Variants in TMEM273 observed in about 807,000 individuals in gnomAD.
The protein encoded by TMEM273 is transmembrane protein 273.
In TMEM273, 19 loss-of-function variants were observed where a neutral mutation model predicts 17.9. That is an observed-to-expected ratio of 1.06 (90% CI 0.74 to 1.55). The LOEUF (loss-of-function observed/expected upper bound fraction) is 1.55. Ranked by LOEUF, TMEM273 falls within the 40% of genes most tolerant of loss-of-function variation. TMEM273 has a pLI of 0.00. For missense variants in TMEM273, 194 were observed against 155.6 expected (o/e 1.25, Z -1.31); for synonymous variants, 66 against 62.0 (o/e 1.07, Z -0.31).
chr10:49,171,672 T>C (rs1846579004), intron 1 of TMEM273, among the ~76,000 whole-genome samples: 1 of 152,238 alleles, frequency 6.6e-6, no homozygotes. Context: ...AGAAGCCCTC[T>C]GCAAGAGTGG....
At chr10:49,156,406 A>G (rs1845512504) in intron 6 of TMEM273, 1 of 596,552 alleles carries the variant, frequency 1.7e-6, no homozygotes, top group Admixed American at 4.0e-5. Flanking sequence ...ATAGGTGTCT[A>G]AAAAAGGGGA....
At chr10:49,186,322 G>C (rs1220416414) in intron 1 of TMEM273, among the ~76,000 whole-genome samples, 2 of 152,108 alleles carry the variant, frequency 1.3e-5, no homozygotes, top group Non-Finnish European at 2.9e-5. Context: ...TCTTGTTTCT[G>C]GTTCCCACCG....
At chr10:49,166,787 C>A in intron 3 of TMEM273, 82 bp downstream of exon 3, 1 of 1,583,574 alleles carries the variant, frequency 6.3e-7, no homozygotes. Flanking sequence ...TGGGTTCATT[C>A]TTGCTGTAGC....
At chr10:49,187,552 G>A (rs1311264840) in intron 1 of TMEM273, among the ~76,000 whole-genome samples, 1 of 152,104 alleles carries the variant, frequency 6.6e-6, no homozygotes, top group Non-Finnish European at 1.5e-5. Flanking sequence ...AGGGGACTTC[G>A]TAAAGGCATG....
chr10:49,182,920 TATCCCGA>T (rs1847436417), intron 1 of TMEM273, among the ~76,000 whole-genome samples: 1 of 152,264 alleles, frequency 6.6e-6, no homozygotes, highest in African/African-American at 2.4e-5. Flanking sequence ...AGGGAATGGA[TATCCCGA>T]ATCAAATCAC....
chr10:49,172,943 T>C (rs548651134), intron 1 of TMEM273, among the ~76,000 whole-genome samples: 2 of 152,332 alleles, frequency 1.3e-5, no homozygotes, highest in South Asian at 4.1e-4. Context: ...AATTAGCACA[T>C]TTATTCTTCC....
chr10:49,161,514 A>G, intron 6 of TMEM273, 85 bp downstream of exon 6: 2 of 1,571,906 alleles, frequency 1.3e-6, no homozygotes, highest in Non-Finnish European at 8.8e-7. Flanking sequence ...GGGGAGGGAG[A>G]GGTCATGCCG....
chr10:49,162,196 AG>A (rs1297560929), intron 5 of TMEM273, among the ~76,000 whole-genome samples: 1 of 152,214 alleles, frequency 6.6e-6, no homozygotes, highest in African/African-American at 2.4e-5. Context: ...CTGCTCATTC[AG>A]CAGTGTTTTC....
At chr10:49,170,363 T>C (rs1235707149) in intron 1 of TMEM273, among the ~76,000 whole-genome samples, 1 of 152,132 alleles carries the variant, frequency 6.6e-6, no homozygotes, top group African/African-American at 2.4e-5. Context: ...ACCCCCCAAA[T>C]GTGTTGCCCT....
chr10:49,163,010 C>T (rs1164712059), intron 5 of TMEM273, among the ~76,000 whole-genome samples: 1 of 152,120 alleles, frequency 6.6e-6, no homozygotes, highest in Non-Finnish European at 1.5e-5. Flanking sequence ...CTTGGGTCAG[C>T]GGGGACTGGG....
intron 2 of TMEM273, 137 bp downstream of exon 2, chr10:49,167,772 C>G: frequency 1.8e-6 from 2 of 1,082,554 alleles, no homozygotes; most frequent in South Asian, 2.8e-5. Context: ...TCTGGGGGAC[C>G]TGGAGGTGAG....
chr10:49,161,291 A>T (rs1160503673), intron 6 of TMEM273: 1 of 413,438 alleles, frequency 2.4e-6, no homozygotes, highest in African/African-American at 2.0e-5. Context: ...ATTAGATTGG[A>T]CACTATCATA....
intron 6 of TMEM273, among the ~76,000 whole-genome samples, chr10:49,156,599 T>A (rs541679692): frequency 2.0e-5 from 3 of 152,338 alleles, no homozygotes; most frequent in African/African-American, 7.2e-5. Context: ...TATGCTTACA[T>A]TGAATGATGC....
chr10:49,176,148 AGT>A (rs1208215341), intron 1 of TMEM273, among the ~76,000 whole-genome samples: 3 of 152,176 alleles, frequency 2.0e-5, no homozygotes, highest in Non-Finnish European at 4.4e-5. Context: ...CCCCGGAAGG[AGT>A]GTGTGCACAG....
chr10:49,161,422 A>G, intron 6 of TMEM273, 177 bp downstream of exon 6: 1 of 710,060 alleles, frequency 1.4e-6, no homozygotes, highest in Non-Finnish European at 2.5e-6. Flanking sequence ...TCATGTCCCA[A>G]GGTGATGCTG....
chr10:49,163,199 G>A (rs1379015380), intron 5 of TMEM273, among the ~76,000 whole-genome samples: 2 of 152,138 alleles, frequency 1.3e-5, no homozygotes, highest in Non-Finnish European at 2.9e-5. Flanking sequence ...CAGTGGATTT[G>A]GGGGCACTGG....
intron 5 of TMEM273, 117 bp from the exon 6 acceptor site, chr10:49,161,739 C>A: frequency 7.7e-7 from 1 of 1,291,224 alleles, no homozygotes; most frequent in Non-Finnish European, 1.1e-6. Flanking sequence ...TTGGGTCTGA[C>A]TTCCTCATGA....
intron 1 of TMEM273, among the ~76,000 whole-genome samples, chr10:49,174,575 C>T (rs901220953): frequency 4.6e-5 from 7 of 152,186 alleles, no homozygotes; most frequent in African/African-American, 1.7e-4. Flanking sequence ...CTAAACAGGA[C>T]GTCTGCAGAC....
At chr10:49,168,829 G>T (rs754717323) in intron 1 of TMEM273, among the ~76,000 whole-genome samples, 1 of 152,110 alleles carries the variant, frequency 6.6e-6, no homozygotes, top group Non-Finnish European at 1.5e-5. Context: ...CACAAACAGC[G>T]CCCTAAAATA....
Sources: allele counts gnomAD v4.1 joint callset (sites outside exome capture counted in the v4.1 genomes callset), GRCh38; gene constraint gnomAD v4.1.1; transcripts MANE v1.5; gene names NCBI Gene and HGNC (gene_info 2026-07-23, HGNC 2026-07-21).